HS6ST3: variants seen among roughly 807,000 people sequenced by gnomAD.
HS6ST3 encodes heparan sulfate 6-O-sulfotransferase 3, also known as heparan-sulfate 6-O-sulfotransferase 3.
HS6ST3 carries 12 observed loss-of-function variants against 36.7 expected under a neutral mutation model. The ratio of observed to expected loss-of-function variants is 0.33; its 90% CI spans 0.21 to 0.53. The LOEUF is 0.53. Among genes scored for constraint, HS6ST3 ranks in the 20% least tolerant of loss-of-function variants. HS6ST3 has a pLI of 0.95. For missense variants in HS6ST3, 584 were observed against 640.9 expected, an observed-to-expected ratio of 0.91 and a Z score of 0.96; for synonymous variants, 240 against 257.5, an observed-to-expected ratio of 0.93 and a Z score of 0.65.
At chr13:96,337,166 C>T (rs754306425) in intron 1 of HS6ST3, among the ~76,000 whole-genome samples, 12 of 152,042 alleles carry the variant, frequency 7.9e-5, no homozygotes, top group African/African-American at 1.2e-4. Flanking sequence ...CCCGGGTTCA[C>T]GCCATTCTCC....
intron 1 of HS6ST3, among the ~76,000 whole-genome samples, chr13:96,443,888 A>G (rs913133349): frequency 6.6e-5 from 10 of 152,218 alleles, no homozygotes; most frequent in African/African-American, 2.4e-4. Flanking sequence ...ACTGTGTCCT[A>G]GGTCTTGATA....
chr13:96,561,664 A>G (rs550564209), intron 1 of HS6ST3, among the ~76,000 whole-genome samples: 1 of 152,228 alleles, frequency 6.6e-6, no homozygotes, highest in Non-Finnish European at 1.5e-5. Context: ...TTCAAAAACT[A>G]TAAGGAATTT....
chr13:96,810,137 C>T (rs1393552392), intron 1 of HS6ST3, among the ~76,000 whole-genome samples: 3 of 152,176 alleles, frequency 2.0e-5, no homozygotes, highest in South Asian at 4.1e-4. Flanking sequence ...CCAGAGGCCG[C>T]TGTGAGGCAC....
intron 1 of HS6ST3, among the ~76,000 whole-genome samples, chr13:96,194,471 C>T (rs2054302897): frequency 6.6e-6 from 1 of 151,734 alleles, no homozygotes. Flanking sequence ...TTTCTCCCAG[C>T]TTTATTGGAG....
chr13:96,412,727 C>T lies in HS6ST3; in HGVS notation c.707+321158C>T, dbSNP rs533633620. 1.3e-4 allele frequency among the ~76,000 whole-genome samples: 19 copies of T among 151,794 alleles called. No homozygotes were observed. The East Asian group carries it at 2.9e-3, about 23-fold the overall frequency. Reference sequence around the variant, plus strand: ...TCTCTTTCTTCCAGTACTTTGTAGGCGCTCAGTAGAAACATCTCCAACTCA... The same window carrying T: ...TCTCTTTCTTCCAGTACTTTGTAGGTGCTCAGTAGAAACATCTCCAACTCA... On this transcript the variant is annotated intron_variant, in intron 1 of 1. Transcript: ENST00000376705.
At chr13:96,251,535 G>T (rs2054608068) in intron 1 of HS6ST3, among the ~76,000 whole-genome samples, 1 of 151,782 alleles carries the variant, frequency 6.6e-6, no homozygotes, top group Admixed American at 6.6e-5. Context: ...AAGACAACTA[G>T]TTTTGTTTAT....
chr13:96,667,151 T>G (rs1296476758), intron 1 of HS6ST3, among the ~76,000 whole-genome samples: 2 of 152,196 alleles, frequency 1.3e-5, no homozygotes, highest in Non-Finnish European at 2.9e-5. Flanking sequence ...ATTCTATAAA[T>G]CATATTGAAT....
intron 1 of HS6ST3, among the ~76,000 whole-genome samples, chr13:96,361,316 C>G (rs1386252689): frequency 6.6e-6 from 1 of 152,068 alleles, no homozygotes; most frequent in Non-Finnish European, 1.5e-5. Context: ...CTCTGTTGAG[C>G]CTATATAAAA....
intron 1 of HS6ST3, among the ~76,000 whole-genome samples, chr13:96,357,034 T>C (rs2055213513): frequency 1.3e-5 from 2 of 152,210 alleles, no homozygotes; most frequent in African/African-American, 4.8e-5. Context: ...AAACATGAAC[T>C]CACCTCTGCT....
rs149930703 is a variant in HS6ST3, at chr13:96,190,070, G to T, written c.707+98501G>T. ...CTGGCATTTATTGAACCATGTAGTA[G>T]GCTGTAAATGTTAAAAAGATAAATG... On this transcript the variant is annotated intron_variant, in intron 1 of 1. Transcript: ENST00000376705. Among the ~76,000 whole-genome samples, 186 of 152,278 alleles carry T rather than the reference G, an allele frequency of 1.2e-3. 1 individual carries two copies. The highest frequency in any genetic ancestry group is 4.3e-3 in the African/African-American group (179 of 41,550).
intron 1 of HS6ST3, among the ~76,000 whole-genome samples, chr13:96,171,717 G>A (rs1287339502): frequency 6.6e-6 from 1 of 152,162 alleles, no homozygotes; most frequent in Non-Finnish European, 1.5e-5. Flanking sequence ...TTATTAAGTA[G>A]TTAGGGTCAA....
At chr13:96,426,256 C>A (rs565415864) in intron 1 of HS6ST3, among the ~76,000 whole-genome samples, 1 of 152,128 alleles carries the variant, frequency 6.6e-6, no homozygotes, top group African/African-American at 2.4e-5. Flanking sequence ...TTATATTGTT[C>A]GCACTGCCTC....
chr13:96,386,051 G>T (rs2055366119), intron 1 of HS6ST3, among the ~76,000 whole-genome samples: 1 of 152,064 alleles, frequency 6.6e-6, no homozygotes, highest in Non-Finnish European at 1.5e-5. Context: ...TCTAAACCAA[G>T]AAATGAGGTC....
chr13:96,121,630 C>T (rs1003265244), intron 1 of HS6ST3, among the ~76,000 whole-genome samples: 3 of 152,214 alleles, frequency 2.0e-5, no homozygotes, highest in African/African-American at 4.8e-5. Flanking sequence ...ATGGTTTCTT[C>T]CTGGTAGCAG....
intron 1 of HS6ST3, among the ~76,000 whole-genome samples, chr13:96,214,179 G>A (rs1368605200): frequency 1.3e-5 from 2 of 152,150 alleles, no homozygotes; most frequent in Non-Finnish European, 2.9e-5. Context: ...TATAAAAGGT[G>A]TCATCATGCA....
At chr13:96,472,266 C>G (rs2138891302) in intron 1 of HS6ST3, among the ~76,000 whole-genome samples, 1 of 152,260 alleles carries the variant, frequency 6.6e-6, no homozygotes, top group Non-Finnish European at 1.5e-5. Flanking sequence ...AAGTGAAGTT[C>G]AAATTCTTTA....
At chr13:96,573,626 GAT>G in intron 1 of HS6ST3, 1 of 249,624 alleles carries the variant, frequency 4.0e-6, no homozygotes, top group Non-Finnish European at 7.7e-6. Flanking sequence ...ACCCAATCAG[GAT>G]AGGAAAAATA....
chr13:96,199,595 T>G lies in HS6ST3; in HGVS notation c.707+108026T>G, dbSNP rs571148334. On this transcript the variant is annotated intron_variant, in intron 1 of 1. Transcript: ENST00000376705. ...GACCATTAAATATCTATTGATTTTT[T>G]GGGGGTTCTGATTTCTGCATTGCTT... Among the ~76,000 whole-genome samples the G allele has an allele frequency of 3.0e-4, 45 of 152,316 alleles. 1 individual carries two copies. Among genetic ancestry groups the G allele is most frequent in the Admixed American group, 2.6e-3 (40 of 15,298 alleles).
rs368603842 is a variant in HS6ST3 at position 96,132,972 on chromosome 13, GTTAT to G, written c.707+41406_707+41409del. On this transcript the variant is annotated intron_variant, in intron 1 of 1. Coordinates refer to ENST00000376705, the MANE Select transcript of HS6ST3 (RefSeq NM_153456.4). ...TATTTGCCCATTTTTTTTTAATCGGGTTATTTGTTTTCTTGCTATTGAATCTTTT... is the reference window on the plus strand; with the variant it reads ...TATTTGCCCATTTTTTTTTAATCGGGTTGTTTTCTTGCTATTGAATCTTTT... Among the ~76,000 whole-genome samples the G allele has an allele frequency of 2.7e-3, 409 of 151,882 alleles. 2 individuals carry two copies. Among genetic ancestry groups the G allele is most frequent in the African/African-American group, 9.6e-3 (398 of 41,418 alleles).
Sources: allele counts gnomAD v4.1 joint callset (sites outside exome capture counted in the v4.1 genomes callset), GRCh38; gene constraint gnomAD v4.1.1; transcripts MANE v1.5; gene names NCBI Gene and HGNC (gene_info 2026-07-23, HGNC 2026-07-21).